The following CBFA2T2 variants were observed in gnomAD, a reference collection of about 807,000 sequenced individuals.
CBFA2T2 encodes the protein CBFA2/RUNX1 partner transcriptional co-repressor 2.
In CBFA2T2, 11 loss-of-function variants were observed where a neutral mutation model predicts 62.2. That is an observed-to-expected ratio of 0.18 (90% CI 0.11 to 0.29). The LOEUF is 0.29. Among genes scored for constraint, CBFA2T2 ranks in the 10% least tolerant of loss-of-function variants. The pLI is 1.00. For missense variants in CBFA2T2, 592 were observed against 774.1 expected (o/e 0.76, Z 2.79); for synonymous variants, 295 against 287.5 (o/e 1.03, Z -0.27).
At chr20:33,508,909 G>A (rs999220939) in intron 1 of CBFA2T2, among the ~76,000 whole-genome samples, 1 of 152,178 alleles carries the variant, frequency 6.6e-6, no homozygotes, top group African/African-American at 2.4e-5. Flanking sequence ...TTAATTTATT[G>A]TATGAGAGTT....
At chr20:33,528,896 C>A (rs1439401322) in intron 1 of CBFA2T2, among the ~76,000 whole-genome samples, 1 of 152,178 alleles carries the variant, frequency 6.6e-6, no homozygotes, top group Non-Finnish European at 1.5e-5. Flanking sequence ...CCAACTTAAT[C>A]CATCTGTTCC....
intron 1 of CBFA2T2, among the ~76,000 whole-genome samples, chr20:33,583,554 T>A (rs979763792): frequency 2.0e-5 from 3 of 152,210 alleles, no homozygotes; most frequent in Admixed American, 1.3e-4. Flanking sequence ...AGTAAAATTT[T>A]AAAAAATTAT....
intron 1 of CBFA2T2, among the ~76,000 whole-genome samples, chr20:33,595,854 AT>A (rs1372303356): frequency 2.0e-5 from 3 of 152,098 alleles, no homozygotes; most frequent in African/African-American, 7.2e-5. Context: ...GCACTTTTTA[AT>A]CTGTTACTTT....
intron 3 of CBFA2T2, among the ~76,000 whole-genome samples, chr20:33,613,303 T>A (rs2015593066): frequency 6.6e-6 from 1 of 152,244 alleles, no homozygotes; most frequent in South Asian, 2.1e-4. Context: ...TTTTGGGGTC[T>A]CCAGCATCTC....
chr20:33,516,757 ATAC>A (rs766947835), intron 1 of CBFA2T2, among the ~76,000 whole-genome samples: 1 of 152,204 alleles, frequency 6.6e-6, no homozygotes, highest in Non-Finnish European at 1.5e-5. Flanking sequence ...CACATCTGTA[ATAC>A]TCACGCAGTG....
Position 33,564,343 on chromosome 20 carries a change from A to G in CBFA2T2, c.35-42613A>G, listed in dbSNP as rs548259911. Among the ~76,000 whole-genome samples, 11 of 149,784 alleles carry G rather than the reference A, an allele frequency of 7.3e-5. No homozygotes were observed. The South Asian group carries it at 2.3e-3, about 32-fold the overall frequency. On this transcript the variant is annotated intron_variant, in intron 1 of 10. Transcript: ENST00000342704. ...AGTGGCGCGGTCTCGGCTCACTGCA[A>G]CCTCCACCTCCCGGGTTCAAGCTAT...
chr20:33,551,405 G>A (rs576927320), intron 1 of CBFA2T2, among the ~76,000 whole-genome samples: 7 of 151,890 alleles, frequency 4.6e-5, no homozygotes, highest in East Asian at 3.9e-4. Context: ...TAGTAGAGAC[G>A]GGGTTTCTCC....
intron 1 of CBFA2T2, among the ~76,000 whole-genome samples, chr20:33,577,795 TTAAA>T: frequency 6.6e-6 from 1 of 152,314 alleles, no homozygotes; most frequent in African/African-American, 2.4e-5. Context: ...TAGCTTCTGG[TTAAA>T]TAAAGTGGTA....
At chr20:33,504,706 A>G (rs960775016) in intron 1 of CBFA2T2, among the ~76,000 whole-genome samples, 1 of 151,962 alleles carries the variant, frequency 6.6e-6, no homozygotes, top group African/African-American at 2.4e-5. Flanking sequence ...CCCGGCCTAT[A>G]CTTAACTTTT....
At chr20:33,491,343 A>G (rs974913747) in intron 1 of CBFA2T2, among the ~76,000 whole-genome samples, 2 of 152,326 alleles carry the variant, frequency 1.3e-5, no homozygotes, top group South Asian at 2.1e-4. Flanking sequence ...GGAGAGACAT[A>G]GTAAATGAGG....
intron 1 of CBFA2T2, among the ~76,000 whole-genome samples, chr20:33,582,674 A>T (rs964532732): frequency 6.6e-6 from 1 of 151,370 alleles, no homozygotes; most frequent in African/African-American, 2.4e-5. Context: ...GGGTGCGGTG[A>T]CTCACACCTG....
intron 1 of CBFA2T2, among the ~76,000 whole-genome samples, chr20:33,517,775 G>C (rs1031751410): frequency 1.3e-5 from 2 of 151,084 alleles, no homozygotes; most frequent in Non-Finnish European, 2.9e-5. Flanking sequence ...CTCCCGAGTA[G>C]CTTGTTCTAC....
At chr20:33,540,441 T>A (rs1239706609) in intron 1 of CBFA2T2, among the ~76,000 whole-genome samples, 6 of 152,196 alleles carry the variant, frequency 3.9e-5, no homozygotes, top group Non-Finnish European at 8.8e-5. Flanking sequence ...AACAATGGTG[T>A]TTGTATATCT....
At position 33,644,916 on chromosome 20, in the gene CBFA2T2, C is replaced by T; in HGVS notation, c.*270C>T. On this transcript the variant is annotated 3_prime_UTR_variant, in exon 11 of 11. Transcript: ENST00000342704. ...TGGTTTGTTCCTCTCTCCACTGAAG[C>T]TGACTTAGCCGGCCCCTTTTCAGTG... The T allele has an allele frequency of 2.3e-6, 1 of 443,974 alleles. No individual in the cohort carries two copies. The highest frequency in any genetic ancestry group is 4.0e-6 in the Non-Finnish European group (1 of 248,898). The allele number at this position is 443,974 out of a possible 1,614,324, so 27.5% of individuals were successfully genotyped here.
At chr20:33,624,031 G>A (rs2016114040) in intron 5 of CBFA2T2, 6 of 536,852 alleles carry the variant, frequency 1.1e-5, no homozygotes, top group Admixed American at 3.6e-5. Flanking sequence ...TATGTCAAAC[G>A]CATTTTTTTC....
chr20:33,499,195 A>G (rs6059355), intron 1 of CBFA2T2, among the ~76,000 whole-genome samples: 150,285 of 152,304 alleles, frequency 0.99, 74,177 homozygotes, highest in East Asian at 1. Context: ...CTGGGATCAA[A>G]ATGAGTTAAT....
intron 1 of CBFA2T2, among the ~76,000 whole-genome samples, chr20:33,507,231 T>C (rs1348246861): frequency 6.6e-6 from 1 of 152,202 alleles, no homozygotes; most frequent in Non-Finnish European, 1.5e-5. Context: ...TTGAATTCCT[T>C]GTATCAGATC....
intron 1 of CBFA2T2, among the ~76,000 whole-genome samples, chr20:33,553,758 A>T (rs1400526316): frequency 6.6e-6 from 1 of 152,164 alleles, no homozygotes; most frequent in African/African-American, 2.4e-5. Context: ...ATCTTGTTGG[A>T]CTTGAAAGCC....
At chr20:33,631,230 C>T (rs1476726724) in intron 8 of CBFA2T2, among the ~76,000 whole-genome samples, 1 of 152,178 alleles carries the variant, frequency 6.6e-6, no homozygotes, top group South Asian at 2.1e-4. Context: ...AGGAGAATGG[C>T]GTGAACCCCG....
Sources: gnomAD v4.1 joint callset for allele counts (sites outside exome capture counted in the v4.1 genomes callset) on GRCh38, gnomAD v4.1.1 for gene constraint, MANE v1.5 for transcripts, NCBI Gene and HGNC (gene_info 2026-07-23, HGNC 2026-07-21) for gene names.